Variants in FBXW7 observed in about 807,000 individuals in gnomAD.
FBXW7 encodes the protein F-box and WD repeat domain containing 7, also known as F-box/WD repeat-containing protein 7.
Under a neutral mutation model 86.3 loss-of-function variants are expected in FBXW7, and 11 were observed. The ratio of observed to expected loss-of-function variants is 0.13; its 90% confidence interval spans 0.08 to 0.21. FBXW7 has a LOEUF of 0.21. Ranked by LOEUF, FBXW7 falls within the 10% of genes least tolerant of loss-of-function variation. The pLI, the probability that FBXW7 is intolerant of heterozygous loss-of-function variation, is 1.00. For synonymous variants in FBXW7, 313 were observed against 297.9 expected, an observed-to-expected ratio of 1.05 and a Z score of -0.52; for missense variants, 488 against 847.4, an observed-to-expected ratio of 0.58 and a Z score of 5.27.
chr4:152,377,111 T>A (rs1249145637), intron 4 of FBXW7, among the ~76,000 whole-genome samples: 1 of 151,952 alleles, frequency 6.6e-6, no homozygotes, highest in Non-Finnish European at 1.5e-5. Context: ...AGTTGAAACG[T>A]GTTAAGTTCA....
intron 11 of FBXW7, among the ~76,000 whole-genome samples, 184 bp downstream of exon 11, chr4:152,328,024 T>C (rs1560761183): frequency 6.6e-6 from 1 of 151,908 alleles, no homozygotes; most frequent in East Asian, 1.9e-4. Flanking sequence ...AAAGGAAATT[T>C]ACAGACAATC....
At chr4:152,510,548 T>C (rs534383021) in intron 2 of FBXW7, among the ~76,000 whole-genome samples, 9 of 152,302 alleles carry the variant, frequency 5.9e-5, no homozygotes, top group African/African-American at 1.7e-4. Flanking sequence ...GGGCGGTACA[T>C]ATGAAACAGT....
rs532747883 is a variant in FBXW7 at position 152,442,882 on chromosome 4, A to G, written c.-119-30353T>C. 3.9e-5 allele frequency among the ~76,000 whole-genome samples: 6 copies of G among 152,376 alleles called. No individual in the cohort carries two copies. The South Asian group carries it at 1.2e-3, about 32-fold the overall frequency. Reference sequence around the variant, plus strand: ...ACTTAATATGATCTCAGGAAAGCTTATAATAGTTTCAGTGCCTCCTCAACG... The same window carrying G: ...ACTTAATATGATCTCAGGAAAGCTTGTAATAGTTTCAGTGCCTCCTCAACG... On this transcript the variant is annotated intron_variant, in intron 2 of 13. Coordinates refer to ENST00000281708, the MANE Select transcript of FBXW7 (RefSeq NM_001349798.2).
chr4:152,503,217 A>C (rs956241313), intron 2 of FBXW7, among the ~76,000 whole-genome samples: 4 of 152,338 alleles, frequency 2.6e-5, no homozygotes, highest in Admixed American at 2.0e-4. Flanking sequence ...AAAATGTGAA[A>C]AATTACTATT....
At chr4:152,441,507 C>T (rs1053238878) in intron 2 of FBXW7, among the ~76,000 whole-genome samples, 1 of 152,084 alleles carries the variant, frequency 6.6e-6, no homozygotes, top group Non-Finnish European at 1.5e-5. Context: ...AAGAAAGTTG[C>T]CCCAATCCAA....
chr4:152,338,293 T>C (rs1167986491), intron 6 of FBXW7, among the ~76,000 whole-genome samples: 1 of 152,064 alleles, frequency 6.6e-6, no homozygotes, highest in Non-Finnish European at 1.5e-5. Context: ...ATAGAAAATT[T>C]TGACAATTTC....
chr4:152,367,536 G>A (rs896264234), intron 4 of FBXW7, among the ~76,000 whole-genome samples: 5 of 151,972 alleles, frequency 3.3e-5, no homozygotes, highest in African/African-American at 1.2e-4. Flanking sequence ...TAAAAATGAT[G>A]GTTATTTTAA....
intron 7 of FBXW7, among the ~76,000 whole-genome samples, chr4:152,333,986 G>A (rs556051520): frequency 6.6e-6 from 1 of 152,194 alleles, no homozygotes; most frequent in South Asian, 2.1e-4. Flanking sequence ...CCCAGCAGGT[G>A]GAGGTTGCAG....
chr4:152,417,761 C>T (rs1738574381), intron 2 of FBXW7, among the ~76,000 whole-genome samples: 1 of 152,104 alleles, frequency 6.6e-6, no homozygotes. Context: ...ACCTAACCTG[C>T]TATGAGGAAC....
intron 2 of FBXW7, among the ~76,000 whole-genome samples, chr4:152,475,726 A>T (rs969740489): frequency 1.4e-4 from 22 of 152,210 alleles, no homozygotes; most frequent in African/African-American, 5.1e-4. Flanking sequence ...AAGTTAGTAC[A>T]TCAAAAATTT....
chr4:152,330,918 T>C, intron 8 of FBXW7, 50 bp from the exon 9 acceptor site: 1 of 1,554,162 alleles, frequency 6.4e-7, no homozygotes, highest in East Asian at 2.3e-5. Context: ...TAATAACAGT[T>C]ATACATTTTA....
At chr4:152,442,099 C>A (rs564839639) in intron 2 of FBXW7, among the ~76,000 whole-genome samples, 1 of 152,266 alleles carries the variant, frequency 6.6e-6, no homozygotes, top group African/African-American at 2.4e-5. Flanking sequence ...AAAGATATTG[C>A]TTATAATATA....
intron 2 of FBXW7, among the ~76,000 whole-genome samples, chr4:152,522,170 G>A (rs923434145): frequency 6.6e-6 from 1 of 152,064 alleles, no homozygotes; most frequent in Non-Finnish European, 1.5e-5. Context: ...TTTTTTAAGT[G>A]TACGTTTGAC....
intron 2 of FBXW7, among the ~76,000 whole-genome samples, chr4:152,483,184 G>A (rs1745037821): frequency 6.6e-6 from 1 of 151,772 alleles, no homozygotes; most frequent in African/African-American, 2.4e-5. Flanking sequence ...ACTAATTTGT[G>A]TACACTCTTT....
intron 4 of FBXW7, among the ~76,000 whole-genome samples, chr4:152,388,913 G>C (rs1735767147): frequency 6.6e-6 from 1 of 152,158 alleles, no homozygotes; most frequent in Middle Eastern, 3.4e-3. Flanking sequence ...CTGATATGCA[G>C]AATTGACAGG....
At chr4:152,436,723 A>C (rs558252746) in intron 2 of FBXW7, among the ~76,000 whole-genome samples, 1 of 152,286 alleles carries the variant, frequency 6.6e-6, no homozygotes, top group South Asian at 2.1e-4. Context: ...CCATTCCAAA[A>C]ACTGTAGAGC....
intron 4 of FBXW7, chr4:152,382,339 A>G: frequency 6.4e-7 from 1 of 1,566,320 alleles, no homozygotes. Flanking sequence ...TTGACATTTT[A>G]AAACTCCTCT....
At chr4:152,431,143 G>T (rs906608051) in intron 2 of FBXW7, among the ~76,000 whole-genome samples, 3 of 152,210 alleles carry the variant, frequency 2.0e-5, no homozygotes, top group Admixed American at 6.5e-5. Context: ...AGCAAGAAAA[G>T]AAATCTAGAC....
chr4:152,442,797 C>A (rs1352108401), intron 2 of FBXW7, among the ~76,000 whole-genome samples: 2 of 152,182 alleles, frequency 1.3e-5, no homozygotes, highest in African/African-American at 4.8e-5. Context: ...AGGACAGTAT[C>A]AGGGATAAGA....
Sources: gnomAD v4.1 joint callset for allele counts (sites outside exome capture counted in the v4.1 genomes callset) on GRCh38, gnomAD v4.1.1 for gene constraint, MANE v1.5 for transcripts, NCBI Gene and HGNC (gene_info 2026-07-23, HGNC 2026-07-21) for gene names.